Variants in DNAH5 observed in about 807,000 individuals in gnomAD.
The protein encoded by DNAH5 is axonemal beta dynein heavy chain 5.
Under a neutral mutation model 518.2 loss-of-function variants are expected in DNAH5, and 372 were observed. The observed-to-expected ratio is 0.72, with a 90% confidence interval of 0.66 to 0.78. The LOEUF (loss-of-function observed/expected upper bound fraction) is 0.78. Among genes scored for constraint, DNAH5 ranks in the 30% least tolerant of loss-of-function variants. DNAH5 has a pLI of 0.00. For synonymous variants in DNAH5, 2,039 were observed against 2,025.9 expected (o/e 1.01, Z -0.17); for missense variants, 5,523 against 5,687.0 (o/e 0.97, Z 0.93).
chr5:13,746,842 A>G (rs2126668515), intron 65 of DNAH5, among the ~76,000 whole-genome samples: 1 of 152,214 alleles, frequency 6.6e-6, no homozygotes, highest in Admixed American at 6.6e-5. Flanking sequence ...TTCTAGCAGA[A>G]ACAACTTGAG....
chr5:13,961,714 T>C (rs1781199795), intron 1 of DNAH5, among the ~76,000 whole-genome samples: 1 of 152,092 alleles, frequency 6.6e-6, no homozygotes, highest in African/African-American at 2.4e-5. Context: ...ACGGACAAAA[T>C]GATCCCATCT....
chr5:13,861,531 C>T (rs1768412852), intron 29 of DNAH5, among the ~76,000 whole-genome samples: 1 of 152,094 alleles, frequency 6.6e-6, no homozygotes, highest in African/African-American at 2.4e-5. Context: ...TGAGAAGATT[C>T]TGGGGAACAA....
chr5:13,791,736 T>C (rs566696456), intron 50 of DNAH5, among the ~76,000 whole-genome samples: 1 of 152,188 alleles, frequency 6.6e-6, no homozygotes, highest in African/African-American at 2.4e-5. Flanking sequence ...CAATTGTTTC[T>C]TTTATTCTTT....
chr5:13,746,955 T>C (rs928770171), intron 65 of DNAH5, among the ~76,000 whole-genome samples: 5 of 152,122 alleles, frequency 3.3e-5, no homozygotes, highest in African/African-American at 1.2e-4. Context: ...TTGTTACATA[T>C]GTATACATGT....
intron 1 of DNAH5, among the ~76,000 whole-genome samples, chr5:13,955,301 C>T (rs920934006): frequency 4.6e-5 from 7 of 152,140 alleles, no homozygotes; most frequent in South Asian, 2.1e-4. Flanking sequence ...CCTCCCCAAC[C>T]GTGCTTCCTG....
intron 74 of DNAH5, among the ~76,000 whole-genome samples, chr5:13,714,946 A>G (rs1479597251): frequency 6.6e-6 from 1 of 152,228 alleles, no homozygotes; most frequent in African/African-American, 2.4e-5. Context: ...ACAGTCTAAT[A>G]GACTTCAAAC....
rs957433493 is a variant in DNAH5, at chr5:13,834,568, A to G, written c.5883-3793T>C. 3.9e-5 allele frequency among the ~76,000 whole-genome samples: 6 copies of G among 152,188 alleles called. 1 individual carries two copies. Among genetic ancestry groups the G allele is most frequent in the Admixed American group, 3.9e-4 (6 of 15,270 alleles). On this transcript the variant is annotated intron_variant, in intron 35 of 78. Transcript: ENST00000265104. ...CTAGCAAACAAATCACATGAAGCCC[A>G]CGCACCAAGGATAAGAGGGTTATGA... is the stretch of plus-strand genomic sequence containing the variant.
At chr5:13,825,845 T>A (rs939750949) in intron 38 of DNAH5, among the ~76,000 whole-genome samples, 1 of 152,202 alleles carries the variant, frequency 6.6e-6, no homozygotes, top group Non-Finnish European at 1.5e-5. Flanking sequence ...GTTAAGATAG[T>A]AAATTTAATT....
In DNAH5 at chr5:13,911,365, G is replaced by T. The variant is rs376615712; in HGVS notation, c.1644+21C>A. ...AAAATAAACACACGACTGTCAACAG[G>T]AATTTTATTATACAACCTACATGAA... On this transcript the variant is annotated intron_variant, in intron 12 of 78. Transcript: ENST00000265104. 4.9e-5 allele frequency: 77 copies of T among 1,582,218 alleles called. No homozygotes were observed. The highest frequency in any genetic ancestry group is 1.5e-5 in the Non-Finnish European group (17 of 1,151,456).
chr5:13,917,122 G>T, intron 8 of DNAH5, 21 bp downstream of exon 8: 1 of 1,562,056 alleles, frequency 6.4e-7, no homozygotes, highest in Non-Finnish European at 8.8e-7. Context: ...TAGACTGAAA[G>T]AGTAGAAATC....
At chr5:13,793,414 C>T (rs916577601) in intron 49 of DNAH5, 101 bp downstream of exon 49, 11 of 941,198 alleles carry the variant, frequency 1.2e-5, no homozygotes, top group African/African-American at 1.1e-4. Flanking sequence ...AAGGAGCCAC[C>T]CAGTGCTCTT....
chr5:13,935,645 T>C (rs993476346), intron 1 of DNAH5, among the ~76,000 whole-genome samples: 2 of 152,186 alleles, frequency 1.3e-5, no homozygotes, highest in Non-Finnish European at 2.9e-5. Flanking sequence ...ATACTGAAAT[T>C]GCTTTTTAAC....
intron 55 of DNAH5, among the ~76,000 whole-genome samples, chr5:13,775,728 G>C (rs2126806961): frequency 6.6e-6 from 1 of 152,274 alleles, no homozygotes; most frequent in East Asian, 1.9e-4. Context: ...GAAGTGGGGA[G>C]TAAGAGGATG....
At chr5:13,939,869 C>G (rs1779298508) in intron 1 of DNAH5, among the ~76,000 whole-genome samples, 1 of 152,174 alleles carries the variant, frequency 6.6e-6, no homozygotes, top group Non-Finnish European at 1.5e-5. Context: ...TGGCTAATCC[C>G]ACTCACAGCA....
rs758433185 is a variant in DNAH5, at chr5:13,916,330, T to G, written c.1197+18A>C. 16 of 1,298,914 alleles carry G rather than the reference T, an allele frequency of 1.2e-5. No individual in the cohort carries two copies. The highest frequency in any genetic ancestry group is 1.7e-5 in the Admixed American group (1 of 59,020). The allele number at this position is 1,298,914 out of a possible 1,614,324, so 80.5% of individuals were successfully genotyped here. On this transcript the variant is annotated intron_variant, in intron 9 of 78. Coordinates refer to ENST00000265104, the MANE Select transcript of DNAH5 (RefSeq NM_001369.3). ...CAAAGAAATACAAATGAACATGGAC[T>G]CTACATCATGCACTTACCTTTACAA... is the stretch of plus-strand genomic sequence containing the variant.
intron 19 of DNAH5, among the ~76,000 whole-genome samples, chr5:13,883,944 C>CA (rs1005674025): frequency 6.6e-6 from 1 of 151,932 alleles, no homozygotes; most frequent in African/African-American, 2.4e-5. Flanking sequence ...TGTCAATATT[C>CA]AAAATATATT....
intron 22 of DNAH5, among the ~76,000 whole-genome samples, chr5:13,873,677 T>C (rs567837913): frequency 1.3e-4 from 20 of 152,146 alleles, no homozygotes; most frequent in Non-Finnish European, 2.6e-4. Context: ...TATTTATTTA[T>C]TTTTGTAGAG....
chr5:13,700,528 G>C (rs1276558213), intron 78 of DNAH5, 112 bp downstream of exon 78: 21 of 1,064,500 alleles, frequency 2.0e-5, no homozygotes, highest in Non-Finnish European at 2.8e-5. Context: ...AAAGCTAATA[G>C]ATAAGAGAGC....
chr5:13,810,542 C>A, intron 44 of DNAH5: 1 of 315,612 alleles, frequency 3.2e-6, no homozygotes, highest in Non-Finnish European at 5.7e-6. Flanking sequence ...AGCTCGAGAC[C>A]ATCCTGGCTA....
Sources: gnomAD v4.1 joint callset for allele counts (sites outside exome capture counted in the v4.1 genomes callset) on GRCh38, gnomAD v4.1.1 for gene constraint, MANE v1.5 for transcripts, NCBI Gene and HGNC (gene_info 2026-07-23, HGNC 2026-07-21) for gene names.